PCSK2: variants seen among roughly 807,000 people sequenced by gnomAD.
The protein encoded by PCSK2 is neuroendocrine convertase 2.
PCSK2 carries 14 observed loss-of-function variants against 69.7 expected under a neutral mutation model. The observed-to-expected ratio is 0.20, with a 90% CI of 0.13 to 0.31. The LOEUF (loss-of-function observed/expected upper bound fraction) is 0.31. Ranked by LOEUF, PCSK2 falls within the 10% of genes least tolerant of loss-of-function variation. The pLI, the probability that PCSK2 is intolerant of heterozygous loss-of-function variation, is 1.00. For synonymous variants in PCSK2, 307 were observed against 320.7 expected (o/e 0.96, Z 0.46); for missense variants, 544 against 842.5 (o/e 0.65, Z 4.39).
chr20:17,287,222 C>A (rs1414966454), intron 2 of PCSK2, among the ~76,000 whole-genome samples: 1 of 152,120 alleles, frequency 6.6e-6, no homozygotes, highest in Non-Finnish European at 1.5e-5. Flanking sequence ...GCCTCGTGGC[C>A]TAGCCCAGTT....
chr20:17,410,904 A>C (rs1289139052), intron 6 of PCSK2, among the ~76,000 whole-genome samples: 1 of 152,232 alleles, frequency 6.6e-6, no homozygotes, highest in Non-Finnish European at 1.5e-5. Flanking sequence ...CAGAAAGTGC[A>C]GTGGCAACAT....
At chr20:17,437,985 T>TCCCC (rs11481325) in intron 8 of PCSK2, among the ~76,000 whole-genome samples, 8 of 150,032 alleles carry the variant, frequency 5.3e-5, no homozygotes, top group South Asian at 2.1e-4. Flanking sequence ...GGCCAGCAGT[T>TCCCC]CCCCCCCACC....
intron 5 of PCSK2, among the ~76,000 whole-genome samples, chr20:17,400,839 A>G (rs934164447): frequency 2.6e-5 from 4 of 152,162 alleles, no homozygotes; most frequent in Admixed American, 2.6e-4. Context: ...CTAGTTTCAT[A>G]CCTCATTCTT....
intron 2 of PCSK2, among the ~76,000 whole-genome samples, chr20:17,336,745 T>C (rs1990363736): frequency 6.6e-6 from 1 of 152,148 alleles, no homozygotes. Flanking sequence ...CTAAGTAGCA[T>C]AGTGGAAAAT....
rs73257682 is a variant in PCSK2 at position 17,395,949 on chromosome 20, T to A, written c.544-13314T>A. 2.1e-3 allele frequency among the ~76,000 whole-genome samples: 313 copies of A among 152,262 alleles called. 1 individual carries two copies. Among genetic ancestry groups the A allele is most frequent in the African/African-American group, 7.2e-3 (300 of 41,546 alleles). Reference sequence around the variant, plus strand: ...TCTCAGGGGGAGGGCTATAAACTAGTGTCTCTGTCTCTCTCAGGACATCTG... The same window carrying A: ...TCTCAGGGGGAGGGCTATAAACTAGAGTCTCTGTCTCTCTCAGGACATCTG... On this transcript the variant is annotated intron_variant, in intron 5 of 11. Coordinates refer to ENST00000262545, the MANE Select transcript of PCSK2 (RefSeq NM_002594.5).
intron 11 of PCSK2, among the ~76,000 whole-genome samples, chr20:17,478,042 A>G (rs993130719): frequency 6.6e-6 from 1 of 152,194 alleles, no homozygotes; most frequent in Non-Finnish European, 1.5e-5. Flanking sequence ...TACTACTTGT[A>G]TAGATAAGAC....
At chr20:17,284,280 C>G (rs952963758) in intron 2 of PCSK2, among the ~76,000 whole-genome samples, 4 of 152,140 alleles carry the variant, frequency 2.6e-5, no homozygotes, top group Admixed American at 2.0e-4. Flanking sequence ...GGCTTGGCCC[C>G]GTATACATGA....
At chr20:17,377,523 G>T (rs888036531) in intron 5 of PCSK2, among the ~76,000 whole-genome samples, 1 of 152,228 alleles carries the variant, frequency 6.6e-6, no homozygotes, top group African/African-American at 2.4e-5. Flanking sequence ...TGACTCAGAT[G>T]TTATGAAGTA....
At chr20:17,348,099 G>GA (rs1555790025) in intron 2 of PCSK2, among the ~76,000 whole-genome samples, 129 of 133,162 alleles carry the variant, frequency 9.7e-4, no homozygotes, top group Middle Eastern at 3.9e-3. Flanking sequence ...AAGAAAGAAA[G>GA]AAAGAAAAGA....
intron 1 of PCSK2, among the ~76,000 whole-genome samples, chr20:17,258,137 T>C (rs1217965995): frequency 6.6e-6 from 1 of 152,224 alleles, no homozygotes; most frequent in East Asian, 1.9e-4. Flanking sequence ...AAACCCAGTC[T>C]GCACCCTCTA....
chr20:17,324,869 C>T (rs940331194), intron 2 of PCSK2, among the ~76,000 whole-genome samples: 2 of 152,130 alleles, frequency 1.3e-5, no homozygotes, highest in Admixed American at 6.5e-5. Context: ...TACTGGGTTG[C>T]CAGAAGACAG....
chr20:17,274,510 A>G (rs962656213), intron 2 of PCSK2, among the ~76,000 whole-genome samples: 5 of 152,122 alleles, frequency 3.3e-5, no homozygotes, highest in Non-Finnish European at 7.4e-5. Context: ...TTCCTCAGAG[A>G]AGCTAAAGAA....
At position 17,406,540 on chromosome 20, in the gene PCSK2, A is replaced by T. The variant is rs141719064; in HGVS notation, c.544-2723A>T. On this transcript the variant is annotated intron_variant, in intron 5 of 11. Coordinates refer to ENST00000262545, the MANE Select transcript of PCSK2 (RefSeq NM_002594.5). Reference sequence around the variant, plus strand: ...CTTCTTGTTATAAAAGTGGTTGCAGAGTTCTGAGGGTTCTCTGCTGTAAGC... The same window carrying T: ...CTTCTTGTTATAAAAGTGGTTGCAGTGTTCTGAGGGTTCTCTGCTGTAAGC... Among the ~76,000 whole-genome samples the T allele has an allele frequency of 5.1e-4, 77 of 152,342 alleles. No individual in the cohort carries two copies. The East Asian group carries it at 0.013, about 26-fold the overall frequency.
intron 4 of PCSK2, among the ~76,000 whole-genome samples, chr20:17,364,041 G>A (rs1001374887): frequency 1.3e-5 from 2 of 151,932 alleles, no homozygotes; most frequent in Non-Finnish European, 2.9e-5. Flanking sequence ...AATGTTAAAT[G>A]ACGAGTTAAT....
chr20:17,416,277 C>G (rs373186741), intron 6 of PCSK2, among the ~76,000 whole-genome samples: 1 of 152,196 alleles, frequency 6.6e-6, no homozygotes, highest in Non-Finnish European at 1.5e-5. Flanking sequence ...ATCTACCCAT[C>G]TGACAAAGGG....
At chr20:17,240,433 C>T (rs955975638) in intron 1 of PCSK2, among the ~76,000 whole-genome samples, 2 of 152,126 alleles carry the variant, frequency 1.3e-5, no homozygotes, top group African/African-American at 2.4e-5. Flanking sequence ...AACTTCAAAT[C>T]TCTCATACTT....
chr20:17,376,040 G>A (rs2030915631), intron 5 of PCSK2, among the ~76,000 whole-genome samples: 1 of 152,178 alleles, frequency 6.6e-6, no homozygotes. Context: ...GCTCCCAACT[G>A]CCTACCCACG....
chr20:17,335,679 T>C (rs1047771024), intron 2 of PCSK2, among the ~76,000 whole-genome samples: 1 of 151,150 alleles, frequency 6.6e-6, no homozygotes, highest in Non-Finnish European at 1.5e-5. Context: ...CCAAAGTCCA[T>C]TGTATCATTT....
At chr20:17,232,437 T>G (rs1401128787) in intron 1 of PCSK2, among the ~76,000 whole-genome samples, 1 of 152,256 alleles carries the variant, frequency 6.6e-6, no homozygotes, top group Admixed American at 6.5e-5. Flanking sequence ...CAACTGAAGT[T>G]AAACACCTCT....
Sources: gnomAD v4.1 joint callset for allele counts (sites outside exome capture counted in the v4.1 genomes callset) on GRCh38, gnomAD v4.1.1 for gene constraint, MANE v1.5 for transcripts, NCBI Gene and HGNC (gene_info 2026-07-23, HGNC 2026-07-21) for gene names.